Variants in ATP8B4 observed in about 807,000 individuals in gnomAD.
ATP8B4 encodes ATPase phospholipid transporting 8B4 (putative).
In ATP8B4, 133 loss-of-function variants were observed where a neutral mutation model predicts 145.6. That is an observed-to-expected ratio of 0.91 (90% CI 0.79 to 1.05). The LOEUF is 1.05. Among genes scored for constraint, ATP8B4 ranks in the 50% least tolerant of loss-of-function variants. The pLI, the probability that ATP8B4 is intolerant of heterozygous loss-of-function variation, is 0.00. For synonymous variants in ATP8B4, 507 were observed against 492.9 expected (o/e 1.03, Z -0.38); for missense variants, 1,458 against 1,425.2 (o/e 1.02, Z -0.37).
intron 20 of ATP8B4, among the ~76,000 whole-genome samples, chr15:49,907,624 T>G (rs997903202): frequency 3.3e-5 from 5 of 152,218 alleles, no homozygotes; most frequent in Non-Finnish European, 5.9e-5. Context: ...CTTTAAGTTC[T>G]TATCTAATCC....
At chr15:49,893,624 G>C (rs1201473141) in intron 23 of ATP8B4, among the ~76,000 whole-genome samples, 4 of 152,198 alleles carry the variant, frequency 2.6e-5, no homozygotes, top group Middle Eastern at 3.2e-3. Context: ...AAAGAAAGTA[G>C]AGTGGTGGTT....
intron 5 of ATP8B4, among the ~76,000 whole-genome samples, chr15:50,043,810 G>A (rs559201196): frequency 9.9e-5 from 15 of 151,488 alleles, no homozygotes; most frequent in African/African-American, 1.7e-4. Context: ...AAAATTAGCC[G>A]GGCGCGGTGG....
intron 23 of ATP8B4, among the ~76,000 whole-genome samples, chr15:49,893,929 GTATAAT>G (rs2037107327): frequency 6.6e-6 from 1 of 152,134 alleles, no homozygotes; most frequent in Non-Finnish European, 1.5e-5. Context: ...TAAATGTTAG[GTATAAT>G]TATAACTTGT....
chr15:50,030,174 T>G (rs2050324706), intron 6 of ATP8B4, among the ~76,000 whole-genome samples: 2 of 152,104 alleles, frequency 1.3e-5, no homozygotes, highest in Non-Finnish European at 2.9e-5. Flanking sequence ...CCTTTGTGGT[T>G]GAGGTTTGAG....
chr15:49,918,988 T>C (rs1220428571), intron 18 of ATP8B4, 38 bp from the exon 19 acceptor site: 3 of 1,404,880 alleles, frequency 2.1e-6, no homozygotes, highest in Non-Finnish European at 3.0e-6. Flanking sequence ...TGTTAATGCA[T>C]GCAAACAATA....
rs953786203 is a variant in ATP8B4 at position 49,951,283 on chromosome 15, T to C, written c.1287+10694A>G. On this transcript the variant is annotated intron_variant, in intron 14 of 27. Coordinates refer to ENST00000284509, the MANE Select transcript of ATP8B4 (RefSeq NM_024837.4). ...TTTGCAGTCTCATTGATGTGTCTAA[T>C]ACTGACAGTGGGATGTTAAAGTCTC... is the stretch of plus-strand genomic sequence containing the variant. Among the ~76,000 whole-genome samples the C allele has an allele frequency of 7.2e-5, 11 of 152,196 alleles. 1 individual carries two copies. Among genetic ancestry groups the C allele is most frequent in the Admixed American group, 3.9e-4 (6 of 15,282 alleles).
At chr15:49,924,836 C>G (rs2040570506) in intron 16 of ATP8B4, among the ~76,000 whole-genome samples, 1 of 152,142 alleles carries the variant, frequency 6.6e-6, no homozygotes, top group African/African-American at 2.4e-5. Context: ...AAGAGAAAAA[C>G]ATATGCAATT....
Position 50,027,985 on chromosome 15 carries a change from T to C in ATP8B4, c.362+10783A>G, listed in dbSNP as rs759941007. On this transcript the variant is annotated intron_variant, in intron 6 of 27. Coordinates refer to ENST00000284509, the MANE Select transcript of ATP8B4 (RefSeq NM_024837.4). ...ACTTACTGTATTCTCCATTAGAAAA[T>C]ACCATCAACTTTCTTCACATCTTCA... 2.3e-4 allele frequency among the ~76,000 whole-genome samples: 35 copies of C among 152,294 alleles called. 1 individual carries two copies. The highest frequency in any genetic ancestry group is 8.3e-4 in the South Asian group (4 of 4,822).
intron 13 of ATP8B4, among the ~76,000 whole-genome samples, chr15:49,969,340 GT>G (rs2044862725): frequency 6.6e-6 from 1 of 152,014 alleles, no homozygotes; most frequent in Non-Finnish European, 1.5e-5. Flanking sequence ...CCAGGAGCTG[GT>G]TTTTTGAAAA....
At position 49,981,187 on chromosome 15, in the gene ATP8B4, G is replaced by A; in HGVS notation, c.837+19C>T. On this transcript the variant is annotated intron_variant, in intron 11 of 27. Transcript: ENST00000284509. ...TAAGATAACAATGACTAGTGATATT[G>A]CCTAGTTTTGTAACTTACCCATAGT... The A allele has an allele frequency of 6.6e-7, 1 of 1,506,850 alleles. No individual in the cohort carries two copies. The highest frequency in any genetic ancestry group is 1.1e-5 in the South Asian group (1 of 87,222). 93.3% of individuals were successfully genotyped at this position (1,506,850 alleles called of 1,614,324 possible). A position where few individuals can be genotyped will look rare whatever the true frequency, so the allele number is the denominator to read the frequency against.
chr15:50,156,107 A>G (rs28798426), intron 1 of ATP8B4, among the ~76,000 whole-genome samples: 1 of 27,116 alleles, frequency 3.7e-5, no homozygotes, highest in East Asian at 1.4e-3. Context: ...TATATATATA[A>G]ATATATATAT....
At chr15:49,874,803 T>C (rs2034153591) in intron 25 of ATP8B4, among the ~76,000 whole-genome samples, 1 of 152,164 alleles carries the variant, frequency 6.6e-6, no homozygotes, top group Admixed American at 6.6e-5. Flanking sequence ...GTTTTTAAAA[T>C]GTGATAGTTT....
At chr15:49,997,189 G>A (rs1033789047) in intron 8 of ATP8B4, among the ~76,000 whole-genome samples, 2 of 152,094 alleles carry the variant, frequency 1.3e-5, no homozygotes, top group African/African-American at 4.8e-5. Context: ...TTTCACAGTA[G>A]CTGAAATTTA....
Position 50,061,963 on chromosome 15 carries a change from A to G in ATP8B4, c.87+12164T>C, listed in dbSNP as rs543776944. On this transcript the variant is annotated intron_variant, in intron 3 of 27. Coordinates refer to ENST00000284509, the MANE Select transcript of ATP8B4 (RefSeq NM_024837.4). ...TTATAAGCTAACACTATTCATTTTC[A>G]TACTTAACTTTGTAATGTCTAATAC... is the stretch of plus-strand genomic sequence containing the variant. 1.6e-4 allele frequency among the ~76,000 whole-genome samples: 25 copies of G among 152,366 alleles called. No homozygotes were observed. The East Asian group carries it at 4.6e-3, about 28-fold the overall frequency.
chr15:49,897,837 G>A (rs1598987697), intron 22 of ATP8B4, among the ~76,000 whole-genome samples: 1 of 152,152 alleles, frequency 6.6e-6, no homozygotes, highest in African/African-American at 2.4e-5. Flanking sequence ...ATAGTAAAAG[G>A]TGAACGACGT....
chr15:50,027,698 TAAGTGTTTATTGTGAAGG>T (rs1252240453), intron 6 of ATP8B4, among the ~76,000 whole-genome samples: 1 of 152,212 alleles, frequency 6.6e-6, no homozygotes, highest in African/African-American at 2.4e-5. Flanking sequence ...TAAAATCCAG[TAAGTGTTTATTGTGAAGG>T]AATGCTAAGC....
chr15:50,161,773 A>G (rs2044522752), intron 1 of ATP8B4, among the ~76,000 whole-genome samples: 1 of 152,102 alleles, frequency 6.6e-6, no homozygotes, highest in Non-Finnish European at 1.5e-5. Context: ...CAGTATTTTT[A>G]TGCAAGATAT....
At chr15:50,057,221 G>C (rs2052675455) in intron 3 of ATP8B4, among the ~76,000 whole-genome samples, 1 of 152,120 alleles carries the variant, frequency 6.6e-6, no homozygotes. Context: ...ACCAGATAAT[G>C]GTATTGCCTC....
chr15:49,929,780 G>A (rs1379314205), intron 16 of ATP8B4, among the ~76,000 whole-genome samples: 2 of 151,930 alleles, frequency 1.3e-5, no homozygotes, highest in African/African-American at 4.8e-5. Flanking sequence ...AGAAAACAGG[G>A]CCAACAGTCT....
Sources: allele counts gnomAD v4.1 joint callset (sites outside exome capture counted in the v4.1 genomes callset), GRCh38; gene constraint gnomAD v4.1.1; transcripts MANE v1.5; gene names NCBI Gene and HGNC (gene_info 2026-07-23, HGNC 2026-07-21).